Variants in NEK1 observed in about 807,000 individuals in gnomAD.
NEK1 encodes serine/threonine-protein kinase Nek1.
NEK1 carries 137 observed loss-of-function variants against 182.1 expected under a neutral mutation model. The observed-to-expected ratio is 0.75, with a 90% CI of 0.65 to 0.87. The LOEUF (loss-of-function observed/expected upper bound fraction) is 0.87. NEK1 is among the 40% of genes least tolerant of loss of function. The probability of loss-of-function intolerance (pLI) is 0.00; values close to 1 mark genes in which losing one functional copy is unlikely to be tolerated. For missense variants in NEK1, 1,391 were observed against 1,494.4 expected (o/e 0.93, Z 1.14); for synonymous variants, 513 against 492.2 (o/e 1.04, Z -0.56).
intron 23 of NEK1, among the ~76,000 whole-genome samples, chr4:169,489,434 T>G (rs1016348224): frequency 6.6e-6 from 1 of 152,122 alleles, no homozygotes; most frequent in Non-Finnish European, 1.5e-5. Context: ...CAGAGTGACT[T>G]AAGAATGTCA....
At chr4:169,409,909 C>T (rs1733369277) in intron 31 of NEK1, among the ~76,000 whole-genome samples, 1 of 152,080 alleles carries the variant, frequency 6.6e-6, no homozygotes, top group South Asian at 2.1e-4. Flanking sequence ...ATATTCTTTT[C>T]AGAAATGTCT....
At chr4:169,595,922 CAAAAAAAAAAAAAAAA>C (rs56313001) in intron 5 of NEK1, among the ~76,000 whole-genome samples, 2 of 67,204 alleles carry the variant, frequency 3.0e-5, no homozygotes, top group Admixed American at 4.1e-4. Context: ...GACTCCACCT[CAAAAAAAAAAAAAAAA>C]AAAAAAGGAA....
At chr4:169,611,332 A>G (rs1480951536) in intron 2 of NEK1, among the ~76,000 whole-genome samples, 3 of 152,236 alleles carry the variant, frequency 2.0e-5, no homozygotes, top group Non-Finnish European at 4.4e-5. Flanking sequence ...GGATATTTTA[A>G]GTGAAACAGA....
At chr4:169,549,396 C>G (rs578233743) in intron 18 of NEK1, among the ~76,000 whole-genome samples, 2 of 152,304 alleles carry the variant, frequency 1.3e-5, no homozygotes, top group South Asian at 4.1e-4. Context: ...CAGAGCTGTT[C>G]CTATTCGGCC....
intron 2 of NEK1, among the ~76,000 whole-genome samples, chr4:169,607,774 T>C (rs1771625663): frequency 6.6e-6 from 1 of 152,086 alleles, no homozygotes; most frequent in Non-Finnish European, 1.5e-5. Context: ...CAAAATTTAT[T>C]TCTAAAAAGT....
At chr4:169,515,318 G>T (rs898116685) in intron 19 of NEK1, among the ~76,000 whole-genome samples, 1 of 152,112 alleles carries the variant, frequency 6.6e-6, no homozygotes, top group African/African-American at 2.4e-5. Context: ...ATGGTGTTTA[G>T]CTATTCTATA....
At chr4:169,448,795 T>A (rs1741085083) in intron 27 of NEK1, among the ~76,000 whole-genome samples, 1 of 152,152 alleles carries the variant, frequency 6.6e-6, no homozygotes, top group African/African-American at 2.4e-5. Context: ...TTCATCTCAA[T>A]GGGACTGGTT....
chr4:169,451,285 C>T (rs891499677), intron 27 of NEK1, among the ~76,000 whole-genome samples: 3 of 152,112 alleles, frequency 2.0e-5, no homozygotes, highest in African/African-American at 7.2e-5. Flanking sequence ...AATAAGCAGA[C>T]CTAATAGACA....
intron 18 of NEK1, among the ~76,000 whole-genome samples, chr4:169,543,939 T>C (rs955945105): frequency 2.6e-4 from 39 of 152,212 alleles, no homozygotes; most frequent in African/African-American, 9.4e-4. Context: ...ACAGAGACAA[T>C]TTGACTTCCT....
intron 26 of NEK1, among the ~76,000 whole-genome samples, chr4:169,466,393 C>G (rs1744927229): frequency 1.3e-5 from 2 of 151,744 alleles, no homozygotes; most frequent in South Asian, 4.2e-4. Flanking sequence ...ACCAAGGCTA[C>G]AGGGAAAAAT....
chr4:169,452,189 C>A, intron 27 of NEK1, among the ~76,000 whole-genome samples: 1 of 152,110 alleles, frequency 6.6e-6, no homozygotes, highest in East Asian at 1.9e-4. Flanking sequence ...GCTTACCAAC[C>A]AAAAGAAGTC....
intron 27 of NEK1, among the ~76,000 whole-genome samples, chr4:169,445,849 C>CATATATATATATATAT (rs70964204): frequency 2.4e-3 from 332 of 140,086 alleles, no homozygotes; most frequent in African/African-American, 9.2e-3. Context: ...CAACTATATA[C>CATATATATATATATAT]ATATATATAT....
In NEK1 at chr4:169,599,121, G is replaced by A. The variant is rs754042535; in HGVS notation, c.291C>T (p.Gly97=). 1.7e-5 allele frequency: 27 copies of A among 1,612,838 alleles called. No homozygotes were observed. The highest frequency in any genetic ancestry group is 3.3e-5 in the South Asian group (3 of 91,042). The part of the protein sequence containing the change: ...DLFKRINAQK[G]VLFQEDQILD... Reference sequence around the variant, plus strand: ...TTACCTGATCCTCTTGAAACAAAACGCCTTTCTGAGCATTTATTCGCTTAA... The same window carrying A: ...TTACCTGATCCTCTTGAAACAAAACACCTTTCTGAGCATTTATTCGCTTAA... Residue 97 remains glycine (G), a synonymous_variant, in exon 5 of 36, where the codon GGC becomes GGT. Coordinates refer to ENST00000507142, the MANE Select transcript of NEK1 (RefSeq NM_001199397.3).
At position 169,537,830 on chromosome 4, in the gene NEK1, T is replaced by C; in HGVS notation, c.1644A>G (p.Lys548=). ...ATACCATATGTCCTTCGGCTCGAGC[T>C]TTATTCTGCATAGCTTCCCGTTTTC... is the stretch of plus-strand genomic sequence containing the variant. The part of the protein sequence containing the change: ...LQRKREAMQN[K]ARAEGHMGIL... The change falls in exon 19 of 36, where the codon AAA becomes AAG. Residue 548 remains lysine (K), a synonymous_variant. Transcript: ENST00000507142. The C allele has an allele frequency of 6.2e-7, 1 of 1,613,032 alleles. No individual in the cohort carries two copies. Among genetic ancestry groups the C allele is most frequent in the Non-Finnish European group, 8.5e-7 (1 of 1,179,274 alleles).
At chr4:169,452,768 C>T (rs933198097) in intron 27 of NEK1, among the ~76,000 whole-genome samples, 2 of 152,202 alleles carry the variant, frequency 1.3e-5, no homozygotes, top group Non-Finnish European at 2.9e-5. Flanking sequence ...CAAGGATGCC[C>T]TCTCTCACCA....
At chr4:169,422,668 G>A (rs1735688166) in intron 31 of NEK1, among the ~76,000 whole-genome samples, 1 of 152,124 alleles carries the variant, frequency 6.6e-6, no homozygotes, top group Non-Finnish European at 1.5e-5. Flanking sequence ...ATTTTCTAGT[G>A]TTTTTTCTTG....
intron 19 of NEK1, among the ~76,000 whole-genome samples, chr4:169,533,021 T>C (rs1474784131): frequency 6.6e-6 from 1 of 152,124 alleles, no homozygotes; most frequent in Non-Finnish European, 1.5e-5. Flanking sequence ...TGTCTCCAGA[T>C]GTAGGCTCTA....
intron 18 of NEK1, chr4:169,554,320 A>T (rs1761843422): frequency 6.7e-6 from 1 of 150,124 alleles, no homozygotes; most frequent in Admixed American, 6.7e-5. Flanking sequence ...CAGGAGGCTG[A>T]GGTGGGAGGG....
chr4:169,605,808 A>G (rs1477666212), intron 2 of NEK1, among the ~76,000 whole-genome samples: 2 of 152,188 alleles, frequency 1.3e-5, no homozygotes, highest in Non-Finnish European at 2.9e-5. Flanking sequence ...AATTATATCA[A>G]TTCAATCTCT....
Sources: gnomAD v4.1 joint callset for allele counts (sites outside exome capture counted in the v4.1 genomes callset) on GRCh38, gnomAD v4.1.1 for gene constraint, MANE v1.5 for transcripts, NCBI Gene and HGNC (gene_info 2026-07-23, HGNC 2026-07-21) for gene names.